The following PEAK1 variants were observed in gnomAD, a reference collection of about 807,000 sequenced individuals.
PEAK1 encodes the protein inactive tyrosine-protein kinase PEAK1.
Under a neutral mutation model 124.7 loss-of-function variants are expected in PEAK1, and 54 were observed. The ratio of observed to expected loss-of-function variants is 0.43; its 90% CI spans 0.35 to 0.54. The LOEUF (loss-of-function observed/expected upper bound fraction) is 0.54. Among genes scored for constraint, PEAK1 ranks in the 20% least tolerant of loss-of-function variants. The pLI, the probability that PEAK1 is intolerant of heterozygous loss-of-function variation, is 0.01. For synonymous variants in PEAK1, 719 were observed against 760.0 expected (o/e 0.95, Z 0.89); for missense variants, 2,046 against 2,134.5 (o/e 0.96, Z 0.82).
At chr15:77,348,832 G>A (rs1385087520) in intron 2 of PEAK1, 1 of 853,972 alleles carries the variant, frequency 1.2e-6, no homozygotes, top group Non-Finnish European at 1.4e-6. Flanking sequence ...GGTAGAGTGG[G>A]GGTCTAACTG....
intron 2 of PEAK1, among the ~76,000 whole-genome samples, chr15:77,344,767 A>G (rs1372425727): frequency 6.6e-6 from 1 of 151,950 alleles, no homozygotes; most frequent in Non-Finnish European, 1.5e-5. Flanking sequence ...CAGGTCTTCC[A>G]CCTCCTTGGT....
At chr15:77,183,541 A>C (rs563999378) in intron 6 of PEAK1, among the ~76,000 whole-genome samples, 1 of 152,336 alleles carries the variant, frequency 6.6e-6, no homozygotes, top group African/African-American at 2.4e-5. Flanking sequence ...CATCAAGCAC[A>C]ATGTTATCCT....
intron 5 of PEAK1, among the ~76,000 whole-genome samples, chr15:77,277,287 G>T (rs1399314315): frequency 6.6e-6 from 1 of 152,108 alleles, no homozygotes; most frequent in Non-Finnish European, 1.5e-5. Context: ...TATAGAGATG[G>T]TTACCAAGGG....
At chr15:77,250,156 CATATATATACAT>C in intron 6 of PEAK1, among the ~76,000 whole-genome samples, 1 of 132,930 alleles carries the variant, frequency 7.5e-6, no homozygotes, top group Non-Finnish European at 1.6e-5. Flanking sequence ...TATATATATA[CATATATATACAT>C]ATATATGTAT....
At chr15:77,414,028 G>A (rs775049953) in intron 1 of PEAK1, among the ~76,000 whole-genome samples, 7 of 151,792 alleles carry the variant, frequency 4.6e-5, no homozygotes, top group Admixed American at 1.3e-4. Flanking sequence ...TCCCTATGTC[G>A]CCTAGGCTGG....
Position 77,196,424 on chromosome 15 carries a change from A to G in PEAK1, c.-114-14384T>C, listed in dbSNP as rs2058105316. Among the ~76,000 whole-genome samples the G allele has an allele frequency of 3.3e-5, 5 of 152,320 alleles. No homozygotes were observed. The South Asian group carries it at 6.2e-4, about 19-fold the overall frequency. On this transcript the variant is annotated intron_variant, in intron 6 of 9. Coordinates refer to ENST00000682557, the MANE Select transcript of PEAK1 (RefSeq NM_001385026.1). ...AGCTCCTCATACTCATCACTCTTCT[A>G]TTTTATACTATCTTGGATCAACATA... is the stretch of plus-strand genomic sequence containing the variant.
At chr15:77,347,531 C>G in intron 2 of PEAK1, 1 of 985,364 alleles carries the variant, frequency 1.0e-6, no homozygotes, top group Non-Finnish European at 1.2e-6. Context: ...AAGCACAGCA[C>G]TCATAAATGA....
At chr15:77,147,531 C>G (rs1211748898) in intron 8 of PEAK1, among the ~76,000 whole-genome samples, 1 of 152,092 alleles carries the variant, frequency 6.6e-6, no homozygotes, top group Non-Finnish European at 1.5e-5. Flanking sequence ...ATTAAAAAAA[C>G]AGTGATCTCT....
intron 1 of PEAK1, among the ~76,000 whole-genome samples, chr15:77,414,125 C>T (rs1354005767): frequency 6.6e-6 from 1 of 151,954 alleles, no homozygotes; most frequent in Non-Finnish European, 1.5e-5. Context: ...ACCCAGCCTG[C>T]ATTTTCTTTC....
chr15:77,181,342 A>G lies in PEAK1; in HGVS notation c.585T>C (p.Ser195=), dbSNP rs751244587. Residue 195 remains serine, a synonymous_variant, in exon 7 of 10, where the codon AGT becomes AGC. Transcript: ENST00000682557. The stretch of plus-strand genomic sequence containing the variant: ...TTTCCTTTATCCCACCTATCATGCA[A>G]CTTGGTGGAAGCTTTCTTTCCAATG... ...KRSLERKLPP[S]CMIGGIKETQ... 1 of 1,614,112 alleles carries G rather than the reference A, an allele frequency of 6.2e-7. No homozygotes were observed. The highest frequency in any genetic ancestry group is 2.2e-5 in the East Asian group (1 of 44,876).
intron 1 of PEAK1, among the ~76,000 whole-genome samples, chr15:77,368,331 C>T (rs1011793585): frequency 8.6e-5 from 13 of 152,028 alleles, no homozygotes; most frequent in African/African-American, 2.9e-4. Flanking sequence ...GCCTGGCCAA[C>T]ATTATGAAAC....
At chr15:77,146,049 A>T (rs2054153359) in intron 8 of PEAK1, among the ~76,000 whole-genome samples, 1 of 152,204 alleles carries the variant, frequency 6.6e-6, no homozygotes, top group Non-Finnish European at 1.5e-5. Context: ...TACAGATGAG[A>T]AAGAGAAGGG....
intron 2 of PEAK1, among the ~76,000 whole-genome samples, chr15:77,313,652 A>ATGTATGTATGTGTG (rs1469429790): frequency 3.3e-5 from 3 of 90,602 alleles, no homozygotes; most frequent in Non-Finnish European, 6.5e-5. Flanking sequence ...GTATGTATGT[A>ATGTATGTATGTGTG]TGTGTGTGTG....
chr15:77,136,879 A>G (rs1325856746), intron 8 of PEAK1, among the ~76,000 whole-genome samples: 1 of 152,226 alleles, frequency 6.6e-6, no homozygotes, highest in Admixed American at 6.5e-5. Flanking sequence ...TCTTCACGGC[A>G]GACCCTCCCA....
chr15:77,141,948 T>C (rs1263509299), intron 8 of PEAK1, among the ~76,000 whole-genome samples: 4 of 152,128 alleles, frequency 2.6e-5, no homozygotes, highest in Non-Finnish European at 2.9e-5. Context: ...TTCTTAGATA[T>C]GATACCTAAA....
chr15:77,292,559 T>C (rs1163756942), intron 2 of PEAK1, among the ~76,000 whole-genome samples: 6 of 151,668 alleles, frequency 4.0e-5, no homozygotes, highest in Non-Finnish European at 7.4e-5. Flanking sequence ...TGTTTGTTTA[T>C]AGTATAAGAA....
chr15:77,216,350 T>C (rs1360100188), intron 6 of PEAK1, among the ~76,000 whole-genome samples: 1 of 152,212 alleles, frequency 6.6e-6, no homozygotes, highest in Non-Finnish European at 1.5e-5. Context: ...TCATACTAAG[T>C]TGTGATAGCA....
chr15:77,108,158 T>C lies in PEAK1; in HGVS notation c.*5998A>G, dbSNP rs1163944475. 10 of 152,208 alleles carry C rather than the reference T, an allele frequency of 6.6e-5. No individual in the cohort carries two copies. Among genetic ancestry groups the C allele is most frequent in the Non-Finnish European group, 1.5e-5 (1 of 68,046 alleles). 9.4% of individuals were successfully genotyped at this position (152,208 alleles called of 1,614,324 possible). ...CGCCAAAAGGACAAGCATTTGTCTGTTTTTTAGTGTGTATTAAAATGAATT... is the reference window on the plus strand; with the variant it reads ...CGCCAAAAGGACAAGCATTTGTCTGCTTTTTAGTGTGTATTAAAATGAATT... On this transcript the variant is annotated 3_prime_UTR_variant, in exon 10 of 10. Transcript: ENST00000682557.
At chr15:77,363,504 C>T (rs1031692646) in intron 2 of PEAK1, among the ~76,000 whole-genome samples, 1 of 152,152 alleles carries the variant, frequency 6.6e-6, no homozygotes, top group Admixed American at 6.5e-5. Context: ...TCCAACCCAC[C>T]CCAGATCTAT....
Sources: gnomAD v4.1 joint callset for allele counts (sites outside exome capture counted in the v4.1 genomes callset) on GRCh38, gnomAD v4.1.1 for gene constraint, MANE v1.5 for transcripts, NCBI Gene and HGNC (gene_info 2026-07-23, HGNC 2026-07-21) for gene names.